ARHGAP44: variants seen among roughly 807,000 people sequenced by gnomAD.
ARHGAP44 encodes rho GTPase-activating protein 44.
Under a neutral mutation model 106.8 loss-of-function variants are expected in ARHGAP44, and 43 were observed. The observed-to-expected ratio is 0.40, with a 90% CI of 0.32 to 0.52. The LOEUF (loss-of-function observed/expected upper bound fraction) is 0.52, where lower values mean the gene tolerates loss of function less well. Among genes scored for constraint, ARHGAP44 ranks in the 20% least tolerant of loss-of-function variants. The probability of loss-of-function intolerance (pLI) is 0.48; values close to 1 mark genes in which losing one functional copy is unlikely to be tolerated. For synonymous variants in ARHGAP44, 439 were observed against 410.3 expected, an observed-to-expected ratio of 1.07 and a Z score of -0.85; for missense variants, 866 against 1,050.5, an observed-to-expected ratio of 0.82 and a Z score of 2.43.
chr17:12,982,352 C>T (rs756896026), intron 19 of ARHGAP44, among the ~76,000 whole-genome samples: 25 of 151,024 alleles, frequency 1.7e-4, no homozygotes, highest in Non-Finnish European at 2.5e-4. Context: ...AGTCTTCTGA[C>T]AGCGTGCCGA....
At chr17:12,989,979 C>T in intron 20 of ARHGAP44, 53 bp from the exon 21 acceptor site, 1 of 1,585,166 alleles carries the variant, frequency 6.3e-7, no homozygotes, top group Non-Finnish European at 8.6e-7. Flanking sequence ...CAACTAGGTT[C>T]TCATTTGCCG....
At chr17:12,924,536 G>A (rs1021217297) in intron 6 of ARHGAP44, among the ~76,000 whole-genome samples, 3 of 152,100 alleles carry the variant, frequency 2.0e-5, no homozygotes, top group Admixed American at 6.6e-5. Context: ...CATTTCTGCC[G>A]AACCAGCTGC....
At chr17:12,868,947 G>A (rs1368943914) in intron 1 of ARHGAP44, among the ~76,000 whole-genome samples, 3 of 151,458 alleles carry the variant, frequency 2.0e-5, no homozygotes, top group Admixed American at 6.6e-5. Flanking sequence ...GAGCCACCGC[G>A]CCCAACATAT....
intron 3 of ARHGAP44, among the ~76,000 whole-genome samples, chr17:12,907,554 A>G (rs1411772764): frequency 7.2e-5 from 11 of 152,200 alleles, no homozygotes; most frequent in Non-Finnish European, 1.6e-4. Context: ...TGGATATTTC[A>G]TTAAATAGAT....
At position 12,943,597 on chromosome 17, in the gene ARHGAP44, G is replaced by A. The variant is rs774892484; in HGVS notation, c.661G>A (p.Val221Met). The A allele has an allele frequency of 3.1e-6, 5 of 1,613,878 alleles. No individual in the cohort carries two copies. The Admixed American group carries it at 6.7e-5, about 22-fold the overall frequency. Residue 221 changes from valine to methionine, a missense_variant, in exon 9 of 21, where the codon GTG becomes ATG. Transcript: ENST00000379672. ...CCTTGTGTCTTCTCAGCTAATAGAA[G>A]TGCAAGCTGAATACCACAGGAAGTC... The part of the protein sequence containing the change: ...YANYFQTLIE[V>M]QAEYHRKSLT...
At chr17:12,903,136 AGAGAGTGTGTGTGTGT>A (rs2037440101) in intron 3 of ARHGAP44, among the ~76,000 whole-genome samples, 9 of 118,674 alleles carry the variant, frequency 7.6e-5, no homozygotes, top group African/African-American at 2.6e-4. Context: ...GGAGAGAGAG[AGAGAGTGTGTGTGTGT>A]GTGTGTGTGT....
intron 1 of ARHGAP44, among the ~76,000 whole-genome samples, chr17:12,820,538 T>C (rs940288383): frequency 6.6e-6 from 1 of 152,128 alleles, no homozygotes. Context: ...TGTACTGTGT[T>C]CCTGGCACTA....
In ARHGAP44 at chr17:12,907,106, T is replaced by C. The variant is rs561847944; in HGVS notation, c.199-1791T>C. Among the ~76,000 whole-genome samples the C allele has an allele frequency of 2.6e-5, 4 of 152,314 alleles. No homozygotes were observed. The South Asian group carries it at 6.2e-4, about 24-fold the overall frequency. The stretch of plus-strand genomic sequence containing the variant: ...AAATGAATTATAAGTGGAAACGCTC[T>C]ATGTGTTAACACCAGGAGGCTCTGG... On this transcript the variant is annotated intron_variant, in intron 3 of 20. Transcript: ENST00000379672.
At chr17:12,977,601 C>G (rs1218319984) in intron 18 of ARHGAP44, among the ~76,000 whole-genome samples, 1 of 152,202 alleles carries the variant, frequency 6.6e-6, no homozygotes, top group Non-Finnish European at 1.5e-5. Context: ...GCTAACTTGT[C>G]CTCAAACGTG....
At chr17:12,859,228 A>G (rs979814069) in intron 1 of ARHGAP44, among the ~76,000 whole-genome samples, 1 of 152,186 alleles carries the variant, frequency 6.6e-6, no homozygotes, top group African/African-American at 2.4e-5. Context: ...GCTTGCAGCC[A>G]CCACGAGCTA....
chr17:12,811,296 G>C (rs1320446213), intron 1 of ARHGAP44, among the ~76,000 whole-genome samples: 1 of 146,754 alleles, frequency 6.8e-6, no homozygotes, highest in East Asian at 2.0e-4. Flanking sequence ...CTGGGTGACA[G>C]AGTGAGACTC....
In ARHGAP44 at chr17:12,789,736, C is replaced by A. The variant is rs1019068708; in HGVS notation, c.-103C>A. The A allele has an allele frequency of 3.6e-5, 41 of 1,127,450 alleles. No individual in the cohort carries two copies. The highest frequency in any genetic ancestry group is 5.8e-4 in the Middle Eastern group (2 of 3,448). 69.8% of individuals were successfully genotyped at this position (1,127,450 alleles called of 1,614,324 possible). A position where few individuals can be genotyped will look rare whatever the true frequency, so the allele number is the denominator to read the frequency against. The stretch of plus-strand genomic sequence containing the variant: ...CCCGGAGGCTCCGCAGTGCCGCCGC[C>A]GTCGCCCGGGAGGCTCCGCGCGGGA... On this transcript the variant is annotated 5_prime_UTR_variant, in exon 1 of 21. Transcript: ENST00000379672.
At chr17:12,904,660 C>G (rs373812291) in intron 3 of ARHGAP44, among the ~76,000 whole-genome samples, 2 of 152,154 alleles carry the variant, frequency 1.3e-5, no homozygotes, top group African/African-American at 4.8e-5. Flanking sequence ...GTATCTATCT[C>G]TATGTGAAAA....
intron 14 of ARHGAP44, 108 bp from the exon 15 acceptor site, chr17:12,956,547 G>GT: frequency 1.2e-6 from 1 of 847,856 alleles, no homozygotes; most frequent in Non-Finnish European, 1.9e-6. Flanking sequence ...TGTCTGTGGG[G>GT]TTCCAGTCCA....
chr17:12,920,449 A>G (rs1164651151), intron 6 of ARHGAP44, among the ~76,000 whole-genome samples: 1 of 151,776 alleles, frequency 6.6e-6, no homozygotes, highest in Non-Finnish European at 1.5e-5. Flanking sequence ...AACAGCATTA[A>G]GGATAAAAGA....
intron 1 of ARHGAP44, among the ~76,000 whole-genome samples, chr17:12,885,758 C>G (rs1466162853): frequency 6.6e-6 from 1 of 152,004 alleles, no homozygotes; most frequent in Non-Finnish European, 1.5e-5. Context: ...GTTCTGTATA[C>G]AATTCTTATA....
intron 1 of ARHGAP44, among the ~76,000 whole-genome samples, chr17:12,819,926 TATC>T (rs1237566033): frequency 6.6e-6 from 1 of 152,122 alleles, no homozygotes; most frequent in Non-Finnish European, 1.5e-5. Context: ...AAGTTCAAGT[TATC>T]ATCATTTCTT....
intron 1 of ARHGAP44, among the ~76,000 whole-genome samples, chr17:12,811,511 G>C (rs1038223651): frequency 2.0e-5 from 3 of 152,100 alleles, no homozygotes; most frequent in Admixed American, 6.6e-5. Context: ...GGCAGGACAG[G>C]CAGGCATATT....
intron 1 of ARHGAP44, among the ~76,000 whole-genome samples, chr17:12,857,543 G>A (rs2041227279): frequency 6.6e-6 from 1 of 152,004 alleles, no homozygotes; most frequent in African/African-American, 2.4e-5. Flanking sequence ...TCTCCCAAAG[G>A]CCCCACCTCC....
Sources: allele counts gnomAD v4.1 joint callset (sites outside exome capture counted in the v4.1 genomes callset), GRCh38; gene constraint gnomAD v4.1.1; transcripts MANE v1.5; gene names NCBI Gene and HGNC (gene_info 2026-07-23, HGNC 2026-07-21).